Variants in EIF4G3 observed in about 807,000 individuals in gnomAD.
EIF4G3 encodes eukaryotic translation initiation factor 4 gamma 3, also known as eIF-4-gamma 3.
A neutral mutation model predicts 186.4 loss-of-function variants in EIF4G3; 34 were observed. The observed-to-expected ratio is 0.18, with a 90% CI of 0.14 to 0.24. EIF4G3 has a LOEUF of 0.24. Among genes scored for constraint, EIF4G3 ranks in the 10% least tolerant of loss-of-function variants. The pLI, the probability that EIF4G3 is intolerant of heterozygous loss-of-function variation, is 1.00. For synonymous variants in EIF4G3, 673 were observed against 679.5 expected (o/e 0.99, Z 0.15); for missense variants, 1,536 against 1,948.5 (o/e 0.79, Z 3.99).
At chr1:20,947,218 C>T (rs529112393) in intron 13 of EIF4G3, among the ~76,000 whole-genome samples, 2 of 152,102 alleles carry the variant, frequency 1.3e-5, no homozygotes, top group Non-Finnish European at 1.5e-5. Context: ...GTGGTTCATG[C>T]CTGTAGCTCC....
chr1:21,175,735 T>C (rs1478190539), intron 2 of EIF4G3: 1 of 152,254 alleles, frequency 6.6e-6, no homozygotes, highest in East Asian at 1.9e-4. Flanking sequence ...TAATAATAAT[T>C]ATGGAAGCCC....
chr1:21,176,636 AGCACCACCGGCT>A, intron 1 of EIF4G3, 74 bp downstream of exon 1: 1 of 385,002 alleles, frequency 2.6e-6, no homozygotes, highest in South Asian at 3.1e-5. Flanking sequence ...CCCGCGGGCC[AGCACCACCGGCT>A]GCCGGTCTCC....
rs139265792 is a variant in EIF4G3 at position 20,861,000 on chromosome 1, T to C, written c.3112-483A>G. ...GACTCATGCTTTTATTTCTCCAATA[T>C]CATGGTTCTGATATTCTACACAAAG... On this transcript the variant is annotated intron_variant, in intron 23 of 36. Coordinates refer to ENST00000602326, the MANE Select transcript of EIF4G3 (RefSeq NM_001391906.1). Among the ~76,000 whole-genome samples, 187 of 152,304 alleles carry C rather than the reference T, an allele frequency of 1.2e-3. 1 individual carries two copies. Among genetic ancestry groups the C allele is most frequent in the African/African-American group, 4.3e-3 (177 of 41,558 alleles).
intron 2 of EIF4G3, among the ~76,000 whole-genome samples, chr1:21,152,268 T>C (rs1284596642): frequency 7.2e-6 from 1 of 139,436 alleles, no homozygotes; most frequent in African/African-American, 2.7e-5. Context: ...GCCTGGAAGG[T>C]CAGTGCTGCA....
intron 10 of EIF4G3, among the ~76,000 whole-genome samples, chr1:20,974,475 A>G (rs376982009): frequency 3.9e-5 from 6 of 152,184 alleles, no homozygotes; most frequent in Non-Finnish European, 8.8e-5. Context: ...AAGATTTTTC[A>G]AAGTACAAAT....
intron 2 of EIF4G3, among the ~76,000 whole-genome samples, chr1:21,164,778 T>G (rs1188786042): frequency 6.6e-6 from 1 of 151,898 alleles, no homozygotes; most frequent in Non-Finnish European, 1.5e-5. Context: ...GTGGGAGGGC[T>G]CCTTGAGCTC....
chr1:21,012,456 CAT>C (rs1401189339), intron 4 of EIF4G3, among the ~76,000 whole-genome samples: 4 of 152,184 alleles, frequency 2.6e-5, no homozygotes, highest in African/African-American at 9.6e-5. Context: ...GCTTCAAAAA[CAT>C]GTGTATCTGC....
At chr1:21,131,453 A>C (rs2097153525) in intron 2 of EIF4G3, among the ~76,000 whole-genome samples, 1 of 135,180 alleles carries the variant, frequency 7.4e-6, no homozygotes, top group African/African-American at 3.4e-5. Flanking sequence ...ATTTTCCAGA[A>C]AAAAAAAAAA....
intron 19 of EIF4G3, among the ~76,000 whole-genome samples, chr1:20,883,434 C>T (rs1034614834): frequency 6.6e-6 from 1 of 151,762 alleles, no homozygotes; most frequent in African/African-American, 2.4e-5. Context: ...CTGGCTTACA[C>T]GGTGAAACCT....
At chr1:21,149,458 A>G (rs973018801) in intron 2 of EIF4G3, among the ~76,000 whole-genome samples, 1 of 152,198 alleles carries the variant, frequency 6.6e-6, no homozygotes, top group Non-Finnish European at 1.5e-5. Flanking sequence ...AGAGAAATGA[A>G]TGAAGTACTG....
At chr1:20,813,361 G>T in intron 34 of EIF4G3, 122 bp from the exon 35 acceptor site, 1 of 412,208 alleles carries the variant, frequency 2.4e-6, no homozygotes, top group Non-Finnish European at 4.5e-6. Context: ...GCTAGGAGTT[G>T]AGACCAGTCT....
chr1:20,956,525 T>G (rs2096423785), intron 12 of EIF4G3, among the ~76,000 whole-genome samples: 1 of 143,628 alleles, frequency 7.0e-6, no homozygotes, highest in Non-Finnish European at 1.5e-5. Context: ...GACTTGCTGA[T>G]GTAATGACTG....
chr1:21,056,239 A>G (rs2094557294), intron 3 of EIF4G3, among the ~76,000 whole-genome samples: 1 of 152,222 alleles, frequency 6.6e-6, no homozygotes, highest in Non-Finnish European at 1.5e-5. Context: ...GTCTACTAAT[A>G]AAAGCAGGCC....
chr1:20,879,821 G>A (rs1572107168), intron 19 of EIF4G3, among the ~76,000 whole-genome samples: 2 of 152,084 alleles, frequency 1.3e-5, no homozygotes, highest in African/African-American at 4.8e-5. Flanking sequence ...TTAAAACTGT[G>A]TATGTAACCT....
intron 4 of EIF4G3, among the ~76,000 whole-genome samples, chr1:21,007,752 T>C (rs964386004): frequency 6.6e-6 from 1 of 151,932 alleles, no homozygotes; most frequent in Non-Finnish European, 1.5e-5. Context: ...TTAAAAACTA[T>C]ATATATGCAC....
chr1:21,133,504 C>T (rs1408032538), intron 2 of EIF4G3, among the ~76,000 whole-genome samples: 1 of 152,204 alleles, frequency 6.6e-6, no homozygotes, highest in Non-Finnish European at 1.5e-5. Context: ...GGATTACAGG[C>T]ATGAGCCACC....
chr1:20,928,273 G>A (rs886444958), intron 14 of EIF4G3, among the ~76,000 whole-genome samples: 1 of 152,162 alleles, frequency 6.6e-6, no homozygotes, highest in Non-Finnish European at 1.5e-5. Context: ...ATTTTTGGCT[G>A]TACACAAATA....
At chr1:21,080,050 C>A (rs1410956629) in intron 3 of EIF4G3, among the ~76,000 whole-genome samples, 2 of 151,788 alleles carry the variant, frequency 1.3e-5, no homozygotes, top group Non-Finnish European at 2.9e-5. Context: ...ACTCGGGAGG[C>A]CGAGGCAAGA....
intron 30 of EIF4G3, among the ~76,000 whole-genome samples, chr1:20,834,263 T>C (rs184580746): frequency 6.8e-4 from 103 of 151,942 alleles, no homozygotes; most frequent in Non-Finnish European, 9.6e-4. Flanking sequence ...AGCCTGGGCA[T>C]TGTAGGGAGA....
Sources: allele counts gnomAD v4.1 joint callset (sites outside exome capture counted in the v4.1 genomes callset), GRCh38; gene constraint gnomAD v4.1.1; transcripts MANE v1.5; gene names NCBI Gene and HGNC (gene_info 2026-07-23, HGNC 2026-07-21).